The following UBE3A variants were observed in gnomAD, a reference collection of about 807,000 sequenced individuals.
UBE3A encodes ubiquitin protein ligase E3A, also known as ubiquitin-protein ligase E3A.
UBE3A carries 6 observed loss-of-function variants against 83.4 expected under a neutral mutation model. The observed-to-expected ratio is 0.07, with a 90% CI of 0.04 to 0.14. UBE3A has a LOEUF of 0.14. Among genes scored for constraint, UBE3A ranks in the 10% least tolerant of loss-of-function variants. The pLI is 1.00. For missense variants in UBE3A, 456 were observed against 1,036.1 expected (o/e 0.44, Z 7.69); for synonymous variants, 337 against 355.4 (o/e 0.95, Z 0.58).
intron 11 of UBE3A, among the ~76,000 whole-genome samples, chr15:25,350,176 G>C (rs956280384): frequency 9.2e-5 from 14 of 152,006 alleles, no homozygotes; most frequent in African/African-American, 3.1e-4. Flanking sequence ...TAAGAAGATT[G>C]CATGAGCCCA....
chr15:25,350,620 T>C (rs1235260339), intron 11 of UBE3A, among the ~76,000 whole-genome samples: 1 of 151,986 alleles, frequency 6.6e-6, no homozygotes, highest in Non-Finnish European at 1.5e-5. Context: ...CCAGGAGAAA[T>C]AAAACATTTC....
At chr15:25,365,176 G>T (rs942929338) in intron 6 of UBE3A, among the ~76,000 whole-genome samples, 1 of 151,676 alleles carries the variant, frequency 6.6e-6, no homozygotes, top group Admixed American at 6.6e-5. Context: ...TGAAATCCTA[G>T]GGAGTTCATT....
At chr15:25,417,112 G>A (rs898373312) in intron 1 of UBE3A, among the ~76,000 whole-genome samples, 23 of 152,090 alleles carry the variant, frequency 1.5e-4, no homozygotes, top group African/African-American at 5.3e-4. Context: ...TAGTGAAAGA[G>A]GGGCAGTAAG....
intron 7 of UBE3A, among the ~76,000 whole-genome samples, chr15:25,359,636 G>A (rs915898960): frequency 3.9e-5 from 6 of 151,984 alleles, no homozygotes; most frequent in African/African-American, 1.5e-4. Context: ...AATTTTAAAC[G>A]TAAGCAAGCT....
intron 1 of UBE3A, among the ~76,000 whole-genome samples, chr15:25,423,905 A>G (rs956894015): frequency 2.6e-5 from 4 of 152,270 alleles, no homozygotes; most frequent in Non-Finnish European, 1.5e-5. Flanking sequence ...TTCAACATAT[A>G]TCAAGAATTC....
At chr15:25,352,401 G>A (rs1263205697) in intron 11 of UBE3A, among the ~76,000 whole-genome samples, 1 of 152,156 alleles carries the variant, frequency 6.6e-6, no homozygotes, top group African/African-American at 2.4e-5. Flanking sequence ...CAAATAAAGT[G>A]ATTATGGCAG....
At chr15:25,389,839 G>T (rs1362069860) in intron 4 of UBE3A, among the ~76,000 whole-genome samples, 2 of 152,222 alleles carry the variant, frequency 1.3e-5, no homozygotes, top group Non-Finnish European at 2.9e-5. Flanking sequence ...AGGGAGCCAA[G>T]ACTGTGCCAC....
chr15:25,389,685 C>T (rs187033697), intron 4 of UBE3A, among the ~76,000 whole-genome samples: 212 of 152,200 alleles, frequency 1.4e-3, no homozygotes, highest in Non-Finnish European at 2.3e-3. Context: ...GTCAGGAGGT[C>T]GAGACCAGCC....
intron 6 of UBE3A, among the ~76,000 whole-genome samples, chr15:25,367,202 T>C (rs544515589): frequency 4.1e-5 from 4 of 98,216 alleles, no homozygotes; most frequent in Admixed American, 2.6e-4. Flanking sequence ...TATTTACATA[T>C]TTGTAAATAT....
chr15:25,419,247 A>G (rs1888523966), intron 1 of UBE3A: 1 of 152,212 alleles, frequency 6.6e-6, no homozygotes, highest in Non-Finnish European at 1.5e-5. Context: ...TACATGCTCA[A>G]GTTAAGGGTG....
At chr15:25,416,235 T>G (rs2090893310) in intron 1 of UBE3A, among the ~76,000 whole-genome samples, 2 of 152,190 alleles carry the variant, frequency 1.3e-5, no homozygotes, top group African/African-American at 4.8e-5. Flanking sequence ...GCAATATTCT[T>G]AACAGTTCCA....
At position 25,336,989 on chromosome 15, in the gene UBE3A, G is replaced by C. The variant is rs1392998084; in HGVS notation, c.*2148C>G. The C allele has an allele frequency of 6.6e-6, 1 of 152,108 alleles. No individual in the cohort carries two copies. The highest frequency in any genetic ancestry group is 1.5e-5 in the Non-Finnish European group (1 of 68,010). 9.4% of individuals were successfully genotyped at this position (152,108 alleles called of 1,614,324 possible). A position where few individuals can be genotyped will look rare whatever the true frequency, so the allele number is the denominator to read the frequency against. ...AAATAGTAATGAAAAGGCAGCAAAA[G>C]TAAGAGGAGTGACAACATGCCCGGC... On this transcript the variant is annotated 3_prime_UTR_variant, in exon 13 of 13. Transcript: ENST00000648336.
At chr15:25,394,558 C>T (rs1437019149) in intron 4 of UBE3A, among the ~76,000 whole-genome samples, 2 of 152,146 alleles carry the variant, frequency 1.3e-5, no homozygotes, top group Non-Finnish European at 2.9e-5. Flanking sequence ...GAAATAAAAG[C>T]ATCCAAGCTA....
intron 7 of UBE3A, among the ~76,000 whole-genome samples, chr15:25,358,026 G>T (rs898843054): frequency 6.6e-6 from 1 of 150,966 alleles, no homozygotes; most frequent in Non-Finnish European, 1.5e-5. Flanking sequence ...TCAGCCTCCG[G>T]AGTAGTTGGG....
chr15:25,396,485 T>C (rs2085607722), intron 4 of UBE3A, among the ~76,000 whole-genome samples: 1 of 152,072 alleles, frequency 6.6e-6, no homozygotes, highest in Non-Finnish European at 1.5e-5. Flanking sequence ...TAGCCTGGCA[T>C]GGTGGCACAT....
chr15:25,382,577 A>T (rs2082375423), intron 4 of UBE3A, among the ~76,000 whole-genome samples: 1 of 151,862 alleles, frequency 6.6e-6, no homozygotes, highest in Non-Finnish European at 1.5e-5. Flanking sequence ...TTACCAAAAA[A>T]TAAAAAAAAT....
chr15:25,364,868 G>A (rs1054465993), intron 6 of UBE3A, among the ~76,000 whole-genome samples: 2 of 151,360 alleles, frequency 1.3e-5, no homozygotes, highest in Admixed American at 6.6e-5. Context: ...GGATGGTTTC[G>A]GTCTCCTGAC....
chr15:25,339,481 T>G (rs2074368044), intron 12 of UBE3A: 2 of 438,378 alleles, frequency 4.6e-6, no homozygotes, highest in Admixed American at 7.7e-5. Context: ...ATCCATTGAG[T>G]TTTTACTACA....
At chr15:25,431,952 A>C (rs117958202) in intron 1 of UBE3A, among the ~76,000 whole-genome samples, 1 of 152,210 alleles carries the variant, frequency 6.6e-6, no homozygotes, top group Non-Finnish European at 1.5e-5. Flanking sequence ...GCTGGAAATA[A>C]CCCATATTTC....
Sources: allele counts gnomAD v4.1 joint callset (sites outside exome capture counted in the v4.1 genomes callset), GRCh38; gene constraint gnomAD v4.1.1; transcripts MANE v1.5; gene names NCBI Gene and HGNC (gene_info 2026-07-23, HGNC 2026-07-21).